Variants in BRD8 observed in about 807,000 individuals in gnomAD.
BRD8 encodes bromodomain containing 8, also known as bromodomain-containing protein 8.
In BRD8, 67 loss-of-function variants were observed where a neutral mutation model predicts 143.1. The observed-to-expected ratio is 0.47, with a 90% confidence interval of 0.38 to 0.57. The LOEUF (loss-of-function observed/expected upper bound fraction) is 0.57, where lower values mean the gene tolerates loss of function less well. Ranked by LOEUF, BRD8 falls within the 20% of genes least tolerant of loss-of-function variation. The pLI is 0.00. For missense variants in BRD8, 1,103 were observed against 1,503.0 expected, an observed-to-expected ratio of 0.73 and a Z score of 4.40; for synonymous variants, 505 against 517.1, an observed-to-expected ratio of 0.98 and a Z score of 0.32.
Position 138,166,733 on chromosome 5 carries a change from A to T in BRD8, c.788-6T>A. ...CCGGGAAAGAGTGGGAGCACCTAAC[A>T]TATAAAGAGGTACACAAAATGAAGT... On this transcript the variant is annotated splice_polypyrimidine_tract_variant and splice_region_variant and intron_variant, in intron 9 of 26. Transcript: ENST00000254900. 1 of 1,559,242 alleles carries T rather than the reference A, an allele frequency of 6.4e-7. No homozygotes were observed. The highest frequency in any genetic ancestry group is 1.1e-5 in the South Asian group (1 of 89,510).
Position 138,171,989 on chromosome 5 carries a change from A to T in BRD8, c.186+76T>A, listed in dbSNP as rs1232635873. 6 of 1,109,782 alleles carry T rather than the reference A, an allele frequency of 5.4e-6. No individual in the cohort carries two copies. The South Asian group carries it at 7.8e-5, about 14-fold the overall frequency. 68.7% of individuals were successfully genotyped at this position (1,109,782 alleles called of 1,614,324 possible). A position where few individuals can be genotyped will look rare whatever the true frequency, so the allele number is the denominator to read the frequency against. ...ATCATGGTATAAAAGCTTTGTAACT[A>T]AAAGTCAGGGCCTGGTAGAGAACCT... On this transcript the variant is annotated intron_variant, in intron 3 of 26. Coordinates refer to ENST00000254900, the MANE Select transcript of BRD8 (RefSeq NM_139199.2).
intron 21 of BRD8, among the ~76,000 whole-genome samples, chr5:138,152,099 G>A (rs539179313): frequency 1.3e-4 from 19 of 149,398 alleles, no homozygotes; most frequent in Non-Finnish European, 2.5e-4. Flanking sequence ...CAAGTGATCC[G>A]CCCGCCTCGG....
At chr5:138,163,640 G>A (rs1354049267) in intron 14 of BRD8, 3 of 1,404,472 alleles carry the variant, frequency 2.1e-6, no homozygotes, top group African/African-American at 1.4e-5. Flanking sequence ...GAGTAACTCT[G>A]ACCCTGGGTA....
At chr5:138,175,833 G>A (rs1398240159) in intron 2 of BRD8, among the ~76,000 whole-genome samples, 1 of 144,748 alleles carries the variant, frequency 6.9e-6, no homozygotes, top group Non-Finnish European at 1.5e-5. Flanking sequence ...AGGATCACTT[G>A]AGCCCAGGAG....
intron 20 of BRD8, among the ~76,000 whole-genome samples, chr5:138,158,428 G>A (rs1348685715): frequency 6.6e-6 from 1 of 151,910 alleles, no homozygotes; most frequent in Non-Finnish European, 1.5e-5. Context: ...TGATGCAGTG[G>A]TCACTTTTTT....
At chr5:138,167,739 A>T (rs1054438934) in intron 9 of BRD8, 195 bp downstream of exon 9, 1 of 565,420 alleles carries the variant, frequency 1.8e-6, no homozygotes, top group African/African-American at 1.9e-5. Flanking sequence ...AATCAGGGCT[A>T]TCACTATCTT....
chr5:138,177,039 A>G (rs1477215873), intron 2 of BRD8: 1 of 151,476 alleles, frequency 6.6e-6, no homozygotes, highest in East Asian at 1.9e-4. Context: ...GTGAGCCAAG[A>G]TCACACCACT....
chr5:138,159,480 C>T, intron 20 of BRD8, 75 bp downstream of exon 20: 1 of 1,514,264 alleles, frequency 6.6e-7, no homozygotes, highest in South Asian at 1.1e-5. Flanking sequence ...GTTGGATTTC[C>T]CTCTGCCACC....
intron 20 of BRD8, among the ~76,000 whole-genome samples, 189 bp from the exon 21 acceptor site, chr5:138,152,949 A>G (rs1300342467): frequency 6.6e-6 from 1 of 152,248 alleles, no homozygotes; most frequent in Admixed American, 6.5e-5. Flanking sequence ...CTTTGGGAAT[A>G]AAGAAAGCCC....
Position 138,169,316 on chromosome 5 carries a change from A to G in BRD8, c.548T>C (p.Val183Ala). Residue 183 changes from valine (V) to alanine (A), a missense_variant, in exon 8 of 27, where the codon GTG becomes GCG. Physicochemically the swap from Val to Ala is moderately conservative, Grantham distance 64. Around this residue, in one of 7 missense-constraint regions of BRD8, gnomAD observed 334 missense variants for 372.5 expected, o/e 0.90. Transcript: ENST00000254900. ...AGAATCTATAGGAGAGCGAACCATC[A>G]CAGTGGGTAACCTCCGGGGGGGTGT... ...VKTPPRRLPT[V>A]MVRSPIDSAS... is the part of the protein sequence containing the mutation. 1 of 1,614,168 alleles carries G rather than the reference A, an allele frequency of 6.2e-7. No individual in the cohort carries two copies. Among genetic ancestry groups the G allele is most frequent in the Non-Finnish European group, 8.5e-7 (1 of 1,180,000 alleles).
chr5:138,175,821 G>A (rs866773977), intron 2 of BRD8, among the ~76,000 whole-genome samples: 8 of 150,148 alleles, frequency 5.3e-5, no homozygotes, highest in African/African-American at 9.8e-5. Flanking sequence ...GGCTGAGGCC[G>A]GAGGATCACT....
At position 138,163,313 on chromosome 5, in the gene BRD8, C is replaced by T. The variant is rs778792887; in HGVS notation, c.1904G>A (p.Gly635Asp). ...CTCTAGGCTGGCCGCTTCACTGACA[C>T]CATCTTCCTCCTCATCCTCACCTGG... ...DAPGEDEEEDGVSEAASLEEP... is the reference protein window; with the variant it reads ...DAPGEDEEEDDVSEAASLEEP... The change falls in exon 15 of 27, where the codon GGT (glycine) becomes GAT (aspartate). Residue 635 changes from glycine (G) to aspartate (D), a missense_variant. Gly to Asp is a moderately conservative substitution (Grantham distance 94). Transcript: ENST00000254900. The T allele has an allele frequency of 6.2e-7, 1 of 1,614,132 alleles. No individual in the cohort carries two copies. The highest frequency in any genetic ancestry group is 8.5e-7 in the Non-Finnish European group (1 of 1,180,000).
chr5:138,156,869 G>A (rs1403001333), intron 20 of BRD8: 1 of 978,562 alleles, frequency 1.0e-6, no homozygotes, highest in South Asian at 3.8e-5. Context: ...CACACACACA[G>A]AACAAGCCAA....
At chr5:138,143,397 T>G (rs149835496) in intron 25 of BRD8, among the ~76,000 whole-genome samples, 2,463 of 152,314 alleles carry the variant, frequency 0.016, 45 homozygotes, top group African/African-American at 0.046. Flanking sequence ...GAAGATTGCT[T>G]GAGCCCAGGA....
In BRD8 at chr5:138,141,084, C is replaced by T. The variant is rs1251412588; in HGVS notation, c.3438-202G>A. ...CAAACACTGTATTTCTATACTAACT[C>T]ACTTAATCCTCTCAATAAACCTGTA... On this transcript the variant is annotated intron_variant, in intron 25 of 26. Coordinates refer to ENST00000254900, the MANE Select transcript of BRD8 (RefSeq NM_139199.2). Among the ~76,000 whole-genome samples the T allele has an allele frequency of 3.9e-5, 6 of 152,114 alleles. No individual in the cohort carries two copies. In the East Asian group the frequency reaches 7.7e-4, roughly 20 times the overall value.
intron 8 of BRD8, chr5:138,168,415 C>T: frequency 8.1e-7 from 1 of 1,238,664 alleles, no homozygotes. Context: ...CCCAGGCACT[C>T]CCTTCCAAGT....
chr5:138,152,701 C>T lies in BRD8; in HGVS notation c.2637G>A (p.Leu879=), dbSNP rs199684486. 7.4e-5 allele frequency: 119 copies of T among 1,614,196 alleles called. No individual in the cohort carries two copies. In the East Asian group the frequency reaches 2.6e-3, roughly 35 times the overall value. ...TGAAGAGGGACCTGCAGTCATTGCT[C>T]AACTCAGAGTCATTGGGATGATCTT... ...SEQDHPNDSE[L]SNDCRSLFSS... Residue 879 remains leucine (L), a synonymous_variant, in exon 21 of 27, where the codon TTG becomes TTA. Coordinates refer to ENST00000254900, the MANE Select transcript of BRD8 (RefSeq NM_139199.2).
rs1554101659 is a variant in BRD8 at position 138,170,793 on chromosome 5, A to G, written c.440+39T>C. The G allele has an allele frequency of 1.9e-6, 3 of 1,561,630 alleles. No individual in the cohort carries two copies. In the Admixed American group the frequency reaches 5.0e-5, roughly 26 times the overall value. Reference sequence around the variant, plus strand: ...ATTACTTGAGGGGAAAAGAGGGTAAAAAGAAAGAAGCACAGAAGAACAATA... The same window carrying G: ...ATTACTTGAGGGGAAAAGAGGGTAAGAAGAAAGAAGCACAGAAGAACAATA... On this transcript the variant is annotated intron_variant, in intron 6 of 26. Transcript: ENST00000254900.
intron 4 of BRD8, 28 bp downstream of exon 4, chr5:138,171,333 T>G (rs1753849453): frequency 1.3e-6 from 2 of 1,586,622 alleles, no homozygotes; most frequent in African/African-American, 2.7e-5. Flanking sequence ...TAAAGAAATA[T>G]GGCTGAAGTA....
Sources: gnomAD v4.1 joint callset for allele counts (sites outside exome capture counted in the v4.1 genomes callset) on GRCh38, gnomAD v4.1.1 for gene constraint, gnomAD v4.1.1 regional missense constraint, MANE v1.5 for transcripts, NCBI Gene and HGNC (gene_info 2026-07-23, HGNC 2026-07-21) for gene names.